The following CACNA1C variants were observed in gnomAD, a reference collection of about 807,000 sequenced individuals.
CACNA1C encodes voltage-dependent L-type calcium channel subunit alpha-1C.
In CACNA1C, 30 loss-of-function variants were observed where a neutral mutation model predicts 229.0. That is an observed-to-expected ratio of 0.13 (90% CI 0.10 to 0.18). The LOEUF is 0.18. Among genes scored for constraint, CACNA1C ranks in the 10% least tolerant of loss-of-function variants. CACNA1C has a pLI of 1.00. For missense variants in CACNA1C, 1,658 were observed against 2,845.0 expected (o/e 0.58, Z 9.49); for synonymous variants, 1,114 against 1,132.5 (o/e 0.98, Z 0.33).
At chr12:2,032,009 G>GTA (rs1194121945) in intron 1 of CACNA1C, among the ~76,000 whole-genome samples, 2 of 151,446 alleles carry the variant, frequency 1.3e-5, no homozygotes, top group Non-Finnish European at 2.9e-5. Context: ...GTGTGTGTGT[G>GTA]TGTGTCTGTG....
chr12:2,504,254 C>T lies in CACNA1C; in HGVS notation c.1114-588C>T, dbSNP rs142800874. ...AGGCAGAGCGGGCCGAGGTCCCCTTCGGTCACAGGAGTTCCTTTGAACATG... is the reference window on the plus strand; with the variant it reads ...AGGCAGAGCGGGCCGAGGTCCCCTTTGGTCACAGGAGTTCCTTTGAACATG... On this transcript the variant is annotated intron_variant, in intron 7 of 46. Transcript: ENST00000399655. The surrounding 1 kb of genome is among the most constrained non-coding windows in gnomAD (Gnocchi z 6.8). Among the ~76,000 whole-genome samples the T allele has an allele frequency of 2.3e-3, 353 of 152,212 alleles. 1 individual carries two copies. Among genetic ancestry groups the T allele is most frequent in the Admixed American group, 4.8e-3 (73 of 15,286 alleles).
At chr12:2,681,587 C>T (rs1368927439) in intron 42 of CACNA1C, among the ~76,000 whole-genome samples, 1 of 152,198 alleles carries the variant, frequency 6.6e-6, no homozygotes, top group Non-Finnish European at 1.5e-5. Flanking sequence ...GTCTCCAGCT[C>T]CTCCCTCCGT....
At chr12:2,434,963 C>T (rs117366381) in intron 3 of CACNA1C, among the ~76,000 whole-genome samples, 402 of 152,318 alleles carry the variant, frequency 2.6e-3, no homozygotes, top group Non-Finnish European at 3.7e-3. Flanking sequence ...GATCGTGAAC[C>T]GTCGTCAGCC....
chr12:2,273,118 G>C (rs2085885058), intron 3 of CACNA1C, among the ~76,000 whole-genome samples: 1 of 152,046 alleles, frequency 6.6e-6, no homozygotes, highest in Non-Finnish European at 1.5e-5. Flanking sequence ...CAACCCCTTG[G>C]ATACCAAAAT....
At chr12:2,268,527 T>C (rs1445784102) in intron 3 of CACNA1C, among the ~76,000 whole-genome samples, 1 of 152,032 alleles carries the variant, frequency 6.6e-6, no homozygotes. Context: ...TGGGGAGTGT[T>C]GGCTGGAGTG....
chr12:2,223,171 A>C (rs2061927021), intron 3 of CACNA1C, among the ~76,000 whole-genome samples: 1 of 152,156 alleles, frequency 6.6e-6, no homozygotes, highest in Non-Finnish European at 1.5e-5. Context: ...TCTGCATCGG[A>C]ATGTCTTACT....
Position 2,653,023 on chromosome 12 carries a change from A to ACGGCTGAAG in CACNA1C, c.4075-807_4075-799dup, listed in dbSNP as rs1340405955. 6.6e-6 allele frequency among the ~76,000 whole-genome samples: 1 copy of ACGGCTGAAG among 152,206 alleles called. No homozygotes were observed. The highest frequency in any genetic ancestry group is 1.5e-5 in the Non-Finnish European group (1 of 68,024). ...CGGCACCCTCTAGTGACCGGTGGCCACGGCTGAAGCGGCGCCCGGGAACAC... is the reference window on the plus strand; with the variant it reads ...CGGCACCCTCTAGTGACCGGTGGCCACGGCTGAAGCGGCTGAAGCGGCGCCCGGGAACAC... On this transcript the variant is annotated intron_variant, in intron 32 of 46. Transcript: ENST00000399655. The surrounding 1 kb of genome is among the most constrained non-coding windows in gnomAD (Gnocchi z 4.7).
At chr12:2,567,340 C>G (rs1413073025) in intron 12 of CACNA1C, among the ~76,000 whole-genome samples, 1 of 152,208 alleles carries the variant, frequency 6.6e-6, no homozygotes, top group Non-Finnish European at 1.5e-5. Context: ...ATTGTGTGTG[C>G]TGAGCCTATG....
Position 2,679,562 on chromosome 12 carries a change from A to G in CACNA1C, c.5210A>G (p.Gln1737Arg). ...CACATCAACAAGGCGGGCAGCAGCC[A>G]GGGCGACACTGAGTCGCCATCCCAC... Reference protein sequence around the residue: ...PLHINKAGSSQGDTESPSHEK... With the variant: ...PLHINKAGSSRGDTESPSHEK... Residue 1737 changes from glutamine (Q) to arginine (R), a missense_variant, in exon 42 of 47, where the codon CAG becomes CGG. Transcript: ENST00000399655. This position sits in a 1 kb window ranked among gnomAD's most constrained non-coding sequence, Gnocchi z 5.5. 6.2e-7 allele frequency: 1 copy of G among 1,613,608 alleles called. No individual in the cohort carries two copies. Among genetic ancestry groups the G allele is most frequent in the South Asian group, 1.1e-5 (1 of 91,004 alleles).
intron 9 of CACNA1C, among the ~76,000 whole-genome samples, chr12:2,530,628 C>A (rs1012899459): frequency 6.6e-6 from 1 of 152,136 alleles, no homozygotes; most frequent in Non-Finnish European, 1.5e-5. Context: ...AGGGCCTTGG[C>A]TTACTTTAGG....
chr12:2,115,623 C>T (rs2083502665), intron 2 of CACNA1C, 78 bp downstream of exon 2: 22 of 1,396,954 alleles, frequency 1.6e-5, no homozygotes, highest in Middle Eastern at 1.8e-4. Flanking sequence ...CCCTGGGCCA[C>T]GAGCTGTGTC....
chr12:2,161,120 A>G (rs2095833661), intron 3 of CACNA1C, among the ~76,000 whole-genome samples: 1 of 152,260 alleles, frequency 6.6e-6, no homozygotes, highest in African/African-American at 2.4e-5. Flanking sequence ...GCACCCGGCT[A>G]GCTCTGGTTA....
Position 2,486,159 on chromosome 12 carries a change from C to T in CACNA1C, c.813C>T (p.Ile271=), listed in dbSNP as rs747169285. ...IIKAMVPLLH[I]ALLVLFVIII... ...AGGCCATGGTCCCCCTGCTGCACAT[C>T]GCCCTGCTTGTGCTGTTTGTCATCA... is the stretch of plus-strand genomic sequence containing the variant. The change falls in exon 6 of 47, where the codon ATC becomes ATT. Residue 271 remains isoleucine (I), a synonymous_variant. Coordinates refer to ENST00000399655, the MANE Select transcript of CACNA1C (RefSeq NM_000719.7). The surrounding 1 kb of genome is among the most constrained non-coding windows in gnomAD (Gnocchi z 4.9). The T allele has an allele frequency of 8.1e-6, 13 of 1,613,248 alleles. No individual in the cohort carries two copies. Among genetic ancestry groups the T allele is most frequent in the South Asian group, 6.6e-5 (6 of 90,934 alleles).
chr12:2,678,686 T>C lies in CACNA1C; in HGVS notation c.5092-758T>C, dbSNP rs1290843886. On this transcript the variant is annotated intron_variant, in intron 41 of 46. Coordinates refer to ENST00000399655, the MANE Select transcript of CACNA1C (RefSeq NM_000719.7). The surrounding 1 kb of genome is among the most constrained non-coding windows in gnomAD (Gnocchi z 4.1). Reference sequence around the variant, plus strand: ...CGTCTCTTCCTCATCCTTATTCTTGTCACTGGGAGACATTCGTCACTGAGT... The same window carrying C: ...CGTCTCTTCCTCATCCTTATTCTTGCCACTGGGAGACATTCGTCACTGAGT... Among the ~76,000 whole-genome samples, 1 of 152,192 alleles carries C rather than the reference T, an allele frequency of 6.6e-6. No homozygotes were observed. Among genetic ancestry groups the C allele is most frequent in the Non-Finnish European group, 1.5e-5 (1 of 68,032 alleles).
chr12:2,351,548 C>T (rs1334606041), intron 3 of CACNA1C, among the ~76,000 whole-genome samples: 1 of 152,176 alleles, frequency 6.6e-6, no homozygotes, highest in African/African-American at 2.4e-5. Context: ...CCTTCCTCTC[C>T]TCAAGGGTGG....
In CACNA1C at chr12:2,653,364, T is replaced by G. The variant is rs1392923010; in HGVS notation, c.4075-471T>G. On this transcript the variant is annotated intron_variant, in intron 32 of 46. Transcript: ENST00000399655. The surrounding 1 kb of genome is among the most constrained non-coding windows in gnomAD (Gnocchi z 4.7). The stretch of plus-strand genomic sequence containing the variant: ...ACCCATGATCTTTCTTTTAAATTTT[T>G]CCTTATTAAATGTTTCCATTGCAAT... Among the ~76,000 whole-genome samples, 2 of 152,208 alleles carry G rather than the reference T, an allele frequency of 1.3e-5. No individual in the cohort carries two copies. Among genetic ancestry groups the G allele is most frequent in the Non-Finnish European group, 2.9e-5 (2 of 68,034 alleles).
chr12:2,684,827 G>A (rs934877572), intron 43 of CACNA1C, among the ~76,000 whole-genome samples: 4 of 152,110 alleles, frequency 2.6e-5, no homozygotes, highest in Non-Finnish European at 4.4e-5. Flanking sequence ...TAAATACTGC[G>A]GTCTGCACTC....
chr12:2,119,696 C>G (rs2154145220), intron 2 of CACNA1C, among the ~76,000 whole-genome samples: 1 of 152,246 alleles, frequency 6.6e-6, no homozygotes, highest in South Asian at 2.1e-4. Context: ...CTGTGAGACT[C>G]AGCCTTAAAG....
intron 3 of CACNA1C, among the ~76,000 whole-genome samples, chr12:2,150,660 G>A (rs1261150420): frequency 3.9e-5 from 6 of 152,142 alleles, no homozygotes; most frequent in Non-Finnish European, 8.8e-5. Context: ...CGAAAAACAC[G>A]TGTGGGTTGG....
Sources: gnomAD v4.1 joint callset for allele counts (sites outside exome capture counted in the v4.1 genomes callset) on GRCh38, gnomAD v4.1.1 for gene constraint, Gnocchi (gnomAD v3.1) non-coding constraint, MANE v1.5 for transcripts, NCBI Gene and HGNC (gene_info 2026-07-23, HGNC 2026-07-21) for gene names.